The following SPOCK1 variants were observed in gnomAD, a reference collection of about 807,000 sequenced individuals.
SPOCK1 encodes the protein testican-1.
A neutral mutation model predicts 55.3 loss-of-function variants in SPOCK1; 23 were observed. The observed-to-expected ratio is 0.42, with a 90% CI of 0.30 to 0.59. SPOCK1 has a LOEUF of 0.59. SPOCK1 is among the 20% of genes least tolerant of loss of function. The probability of loss-of-function intolerance (pLI) is 0.22; values close to 1 mark genes in which losing one functional copy is unlikely to be tolerated. For missense variants in SPOCK1, 499 were observed against 552.5 expected (o/e 0.90, Z 0.97); for synonymous variants, 226 against 221.0 (o/e 1.02, Z -0.20).
At chr5:137,222,902 C>T (rs974530273) in intron 3 of SPOCK1, among the ~76,000 whole-genome samples, 14 of 152,080 alleles carry the variant, frequency 9.2e-5, no homozygotes, top group African/African-American at 3.4e-4. Context: ...AGACAAATAG[C>T]ATCTAAACAG....
At chr5:137,356,838 T>TATAGAGAG (rs1554077335) in intron 2 of SPOCK1, among the ~76,000 whole-genome samples, 14 of 5,458 alleles carry the variant, frequency 2.6e-3, no homozygotes, top group Non-Finnish European at 3.4e-3. Flanking sequence ...TATATATATA[T>TATAGAGAG]AGAGAGAGAG....
intron 2 of SPOCK1, among the ~76,000 whole-genome samples, chr5:137,477,263 A>G (rs1234448091): frequency 1.3e-5 from 2 of 152,232 alleles, no homozygotes; most frequent in Non-Finnish European, 2.9e-5. Context: ...ATATAAATGT[A>G]TAAAGCAATA....
At chr5:137,263,451 G>A (rs1421653444) in intron 3 of SPOCK1, among the ~76,000 whole-genome samples, 1 of 152,124 alleles carries the variant, frequency 6.6e-6, no homozygotes, top group Non-Finnish European at 1.5e-5. Context: ...AGTGGCAGAG[G>A]CAACCAAAAG....
At chr5:137,477,369 G>GTT (rs371366624) in intron 2 of SPOCK1, among the ~76,000 whole-genome samples, 10 of 151,850 alleles carry the variant, frequency 6.6e-5, no homozygotes, top group Admixed American at 3.3e-4. Context: ...TTTTGTTTGT[G>GTT]TTTTTTTTAA....
chr5:137,335,952 A>G (rs530615840), intron 2 of SPOCK1, among the ~76,000 whole-genome samples: 1 of 152,200 alleles, frequency 6.6e-6, no homozygotes, highest in South Asian at 2.1e-4. Flanking sequence ...AAGGCTCTTT[A>G]TTTTCTTGGA....
chr5:137,330,427 T>G (rs1442528519), intron 2 of SPOCK1, among the ~76,000 whole-genome samples: 1 of 152,224 alleles, frequency 6.6e-6, no homozygotes, highest in Admixed American at 6.5e-5. Flanking sequence ...GCATTTATTT[T>G]AAAGCCACAT....
chr5:137,259,689 A>G (rs200364948), intron 3 of SPOCK1, among the ~76,000 whole-genome samples: 442 of 16,006 alleles, frequency 0.028, 4 homozygotes, highest in African/African-American at 0.14. Flanking sequence ...ACATGAAAGT[A>G]AAAAAAAAAA....
intron 2 of SPOCK1, among the ~76,000 whole-genome samples, chr5:137,319,689 T>C (rs548035684): frequency 1.4e-3 from 211 of 152,204 alleles, no homozygotes; most frequent in Non-Finnish European, 1.6e-3. Context: ...CTCACGCCTG[T>C]AATCCCAGCA....
intron 6 of SPOCK1, among the ~76,000 whole-genome samples, chr5:137,010,223 G>A (rs1432999205): frequency 1.3e-5 from 2 of 151,960 alleles, no homozygotes; most frequent in African/African-American, 2.4e-5. Flanking sequence ...GCCAAAAGTC[G>A]GCATCAATAT....
At chr5:137,025,303 G>A (rs1168684364) in intron 6 of SPOCK1, among the ~76,000 whole-genome samples, 1 of 152,004 alleles carries the variant, frequency 6.6e-6, no homozygotes. Flanking sequence ...AGAGCACAAT[G>A]AAATTTTTTC....
At chr5:137,192,232 CAAAAAAAAAAA>C (rs60401497) in intron 3 of SPOCK1, among the ~76,000 whole-genome samples, 5 of 68,250 alleles carry the variant, frequency 7.3e-5, no homozygotes, top group African/African-American at 2.1e-4. Context: ...GACTCTGTCT[CAAAAAAAAAAA>C]AAAAAAAAAA....
intron 3 of SPOCK1, among the ~76,000 whole-genome samples, chr5:137,212,512 CTA>C (rs1330533150): frequency 6.6e-6 from 1 of 152,138 alleles, no homozygotes; most frequent in Non-Finnish European, 1.5e-5. Flanking sequence ...TGAATATGTA[CTA>C]TGTGTCAGGC....
At chr5:137,055,398 C>A (rs1036914979) in intron 6 of SPOCK1, among the ~76,000 whole-genome samples, 1 of 151,978 alleles carries the variant, frequency 6.6e-6, no homozygotes, top group African/African-American at 2.4e-5. Flanking sequence ...TTGTTTTAAG[C>A]TTTAAATTTT....
intron 2 of SPOCK1, among the ~76,000 whole-genome samples, chr5:137,373,306 C>T (rs1195936431): frequency 6.6e-6 from 1 of 152,170 alleles, no homozygotes; most frequent in East Asian, 1.9e-4. Flanking sequence ...ATAAGATTAA[C>T]ATGATCAACA....
intron 2 of SPOCK1, among the ~76,000 whole-genome samples, chr5:137,435,167 G>A (rs959210051): frequency 1.8e-4 from 27 of 152,118 alleles, no homozygotes; most frequent in Non-Finnish European, 2.1e-4. Flanking sequence ...ACCTCTCATT[G>A]CTGGATTTAT....
intron 5 of SPOCK1, among the ~76,000 whole-genome samples, chr5:137,109,606 T>C (rs1753429796): frequency 1.3e-5 from 2 of 152,328 alleles, no homozygotes; most frequent in African/African-American, 4.8e-5. Flanking sequence ...TCTTCTCACC[T>C]TCCAAGCTGG....
At chr5:137,184,058 T>C (rs1755019960) in intron 3 of SPOCK1, among the ~76,000 whole-genome samples, 1 of 152,202 alleles carries the variant, frequency 6.6e-6, no homozygotes, top group East Asian at 1.9e-4. Context: ...TGCTAAGGTG[T>C]GGCCTTAGGA....
chr5:137,366,420 G>A (rs1375155641), intron 2 of SPOCK1, among the ~76,000 whole-genome samples: 1 of 152,158 alleles, frequency 6.6e-6, no homozygotes, highest in Non-Finnish European at 1.5e-5. Context: ...AAAAACCCTA[G>A]GAGGCAAGTG....
chr5:137,291,473 A>G (rs1398590461), intron 2 of SPOCK1, among the ~76,000 whole-genome samples: 1 of 152,250 alleles, frequency 6.6e-6, no homozygotes, highest in Admixed American at 6.5e-5. Flanking sequence ...CAGGTCCTAC[A>G]AACCAGAATC....
Sources: gnomAD v4.1 joint callset for allele counts (sites outside exome capture counted in the v4.1 genomes callset) on GRCh38, gnomAD v4.1.1 for gene constraint, MANE v1.5 for transcripts, NCBI Gene and HGNC (gene_info 2026-07-23, HGNC 2026-07-21) for gene names.